TMEM232: variants seen among roughly 807,000 people sequenced by gnomAD.
TMEM232 encodes transmembrane protein 232.
Under a neutral mutation model 78.8 loss-of-function variants are expected in TMEM232, and 80 were observed. The ratio of observed to expected loss-of-function variants is 1.01; its 90% CI spans 0.85 to 1.22. TMEM232 has a LOEUF of 1.22. TMEM232 is among the 50% of genes most tolerant of loss of function. The pLI, the probability that TMEM232 is intolerant of heterozygous loss-of-function variation, is 0.00. For synonymous variants in TMEM232, 297 were observed against 254.3 expected (o/e 1.17, Z -1.60); for missense variants, 881 against 742.2 (o/e 1.19, Z -2.17).
At chr5:110,674,765 G>A (rs1791809115) in intron 1 of TMEM232, among the ~76,000 whole-genome samples, 1 of 152,248 alleles carries the variant, frequency 6.6e-6, no homozygotes, top group East Asian at 1.9e-4. Flanking sequence ...CGACCACATC[G>A]TGCAATGTAC....
At chr5:110,631,894 A>G (rs991140136) in intron 5 of TMEM232, among the ~76,000 whole-genome samples, 10 of 151,790 alleles carry the variant, frequency 6.6e-5, no homozygotes, top group African/African-American at 2.4e-4. Context: ...CTGGTCCACC[A>G]CTGTCACTAT....
chr5:110,734,449 G>A (rs948861465), intron 2 of TMEM232, among the ~76,000 whole-genome samples: 4 of 152,236 alleles, frequency 2.6e-5, no homozygotes, highest in Non-Finnish European at 4.4e-5. Flanking sequence ...CCAAAGGGCA[G>A]GAAAGTCCAC....
chr5:110,605,177 G>A lies in TMEM232; in HGVS notation c.1208C>T (p.Pro403Leu), dbSNP rs1277059595. 12 of 1,550,444 alleles carry A rather than the reference G, an allele frequency of 7.7e-6. No homozygotes were observed. Among genetic ancestry groups the A allele is most frequent in the Non-Finnish European group, 8.7e-6 (10 of 1,146,154 alleles). The change falls in exon 10 of 14, where the codon CCT becomes CTT. Residue 403 changes from proline (P) to leucine (L), a missense_variant. Coordinates refer to ENST00000455884, the MANE Select transcript of TMEM232 (RefSeq NM_001039763.4). ...AATACTTGTTTCCTTTAATTCTGGAGGTACTGATTTGTCCAAGTATAAAAT... is the reference window on the plus strand; with the variant it reads ...AATACTTGTTTCCTTTAATTCTGGAAGTACTGATTTGTCCAAGTATAAAAT... ...KNILYLDKSVPPELKETSILS... is the reference protein window; with the variant it reads ...KNILYLDKSVLPELKETSILS...
chr5:110,585,738 A>G (rs1778735828), intron 10 of TMEM232, among the ~76,000 whole-genome samples: 1 of 152,122 alleles, frequency 6.6e-6, no homozygotes, highest in Non-Finnish European at 1.5e-5. Context: ...TGCAGTGAGC[A>G]TGAGGGAGGA....
chr5:110,483,746 TA>T (rs939944225), intron 12 of TMEM232, among the ~76,000 whole-genome samples: 1 of 149,428 alleles, frequency 6.7e-6, no homozygotes, highest in African/African-American at 2.5e-5. Context: ...ACTTAAAGTA[TA>T]ATAAAAAAAA....
chr5:110,408,614 C>G (rs919606185), intron 2 of TMEM232, among the ~76,000 whole-genome samples: 7 of 150,790 alleles, frequency 4.6e-5, no homozygotes, highest in Non-Finnish European at 7.4e-5. Context: ...AACAGAGACC[C>G]AAAAAAACCA....
At chr5:110,639,045 C>G (rs538170975) in intron 4 of TMEM232, among the ~76,000 whole-genome samples, 1 of 152,042 alleles carries the variant, frequency 6.6e-6, no homozygotes, top group Non-Finnish European at 1.5e-5. Flanking sequence ...TATATGAGGA[C>G]GAACAGCAAA....
intron 11 of TMEM232, among the ~76,000 whole-genome samples, chr5:110,545,497 A>G (rs1773662748): frequency 6.6e-6 from 1 of 152,078 alleles, no homozygotes; most frequent in Non-Finnish European, 1.5e-5. Flanking sequence ...TCTATTGATA[A>G]GTATTTAAGG....
chr5:110,685,911 T>C (rs1027553892), intron 1 of TMEM232, among the ~76,000 whole-genome samples: 9 of 152,254 alleles, frequency 5.9e-5, no homozygotes, highest in South Asian at 2.1e-4. Context: ...ACATACTATG[T>C]GATTTCATAT....
At chr5:110,518,138 CT>C (rs1768960727) in intron 12 of TMEM232, among the ~76,000 whole-genome samples, 2 of 152,000 alleles carry the variant, frequency 1.3e-5, no homozygotes, top group Admixed American at 1.3e-4. Flanking sequence ...CTCTCTCTCT[CT>C]CTCTCTTTCT....
At chr5:110,725,413 G>C (rs963442690) in intron 1 of TMEM232, among the ~76,000 whole-genome samples, 2 of 152,160 alleles carry the variant, frequency 1.3e-5, no homozygotes, top group African/African-American at 4.8e-5. Flanking sequence ...TTTGTGAGCA[G>C]ACACTTTACC....
intron 1 of TMEM232, among the ~76,000 whole-genome samples, chr5:110,695,628 C>T (rs1242205660): frequency 1.3e-5 from 2 of 151,938 alleles, no homozygotes; most frequent in Non-Finnish European, 2.9e-5. Flanking sequence ...GTAACACCAC[C>T]GATCCCACAG....
intron 1 of TMEM232, among the ~76,000 whole-genome samples, chr5:110,686,729 G>A (rs1196371123): frequency 6.6e-6 from 1 of 152,110 alleles, no homozygotes; most frequent in Non-Finnish European, 1.5e-5. Flanking sequence ...ACATATAACA[G>A]AAATAAAAAT....
chr5:110,421,772 C>G (rs923044905), intron 13 of TMEM232, among the ~76,000 whole-genome samples: 1 of 152,008 alleles, frequency 6.6e-6, no homozygotes, highest in South Asian at 2.1e-4. Flanking sequence ...TCAGCTTTGA[C>G]GAATGCATTA....
chr5:110,637,432 C>T (rs767101748), intron 5 of TMEM232, among the ~76,000 whole-genome samples: 50 of 151,862 alleles, frequency 3.3e-4, no homozygotes, highest in Non-Finnish European at 5.7e-4. Flanking sequence ...GTTGTCTCCC[C>T]AAAATGTTCA....
chr5:110,476,435 T>C (rs1763263350), intron 12 of TMEM232, among the ~76,000 whole-genome samples: 1 of 151,976 alleles, frequency 6.6e-6, no homozygotes, highest in Non-Finnish European at 1.5e-5. Flanking sequence ...CCAACCCCTT[T>C]ATCTTGAACT....
intron 12 of TMEM232, among the ~76,000 whole-genome samples, chr5:110,461,167 A>T (rs1259091342): frequency 6.6e-6 from 1 of 152,138 alleles, no homozygotes; most frequent in Non-Finnish European, 1.5e-5. Flanking sequence ...CTAGGTCTCT[A>T]GTACCAAATA....
chr5:110,396,393 A>G (rs984012276), intron 3 of TMEM232, among the ~76,000 whole-genome samples: 2 of 152,164 alleles, frequency 1.3e-5, no homozygotes, highest in Non-Finnish European at 2.9e-5. Flanking sequence ...TGGGAGGAAA[A>G]AAAAGTTATA....
chr5:110,594,035 G>A (rs993409525), intron 10 of TMEM232, among the ~76,000 whole-genome samples: 1 of 152,074 alleles, frequency 6.6e-6, no homozygotes, highest in African/African-American at 2.4e-5. Context: ...AATAGGAACA[G>A]CTCTGGTCTG....
Sources: gnomAD v4.1 joint callset for allele counts (sites outside exome capture counted in the v4.1 genomes callset) on GRCh38, gnomAD v4.1.1 for gene constraint, MANE v1.5 for transcripts, NCBI Gene and HGNC (gene_info 2026-07-23, HGNC 2026-07-21) for gene names.